ALOX5: variants seen among roughly 807,000 people sequenced by gnomAD.
ALOX5 encodes the protein arachidonate 5-lipoxygenase, also known as polyunsaturated fatty acid 5-lipoxygenase.
In ALOX5, 64 loss-of-function variants were observed where a neutral mutation model predicts 87.9. The ratio of observed to expected loss-of-function variants is 0.73; its 90% CI spans 0.60 to 0.90. ALOX5 has a LOEUF of 0.90. ALOX5 is among the 40% of genes least tolerant of loss of function. ALOX5 has a pLI of 0.00. For synonymous variants in ALOX5, 388 were observed against 355.1 expected (o/e 1.09, Z -1.04); for missense variants, 822 against 907.5 (o/e 0.91, Z 1.21).
At chr10:45,390,983 C>T (rs1588990879) in intron 2 of ALOX5, among the ~76,000 whole-genome samples, 1 of 42,038 alleles carries the variant, frequency 2.4e-5, no homozygotes, top group African/African-American at 1.6e-4. Flanking sequence ...ATCAGCTCTC[C>T]CTCTCCCCTC....
At chr10:45,411,405 G>C (rs1841059915) in intron 3 of ALOX5, among the ~76,000 whole-genome samples, 1 of 152,198 alleles carries the variant, frequency 6.6e-6, no homozygotes, top group South Asian at 2.1e-4. Flanking sequence ...AGATGGAGTT[G>C]CTGTGGTTCA....
chr10:45,413,622 G>T lies in ALOX5; in HGVS notation c.554+1309G>T, dbSNP rs967843588. Among the ~76,000 whole-genome samples, 4 of 152,144 alleles carry T rather than the reference G, an allele frequency of 2.6e-5. No homozygotes were observed. In the East Asian group the frequency reaches 7.7e-4, roughly 29 times the overall value. On this transcript the variant is annotated intron_variant, in intron 4 of 13. Transcript: ENST00000374391. ...ATCAGGCAGGAGAAGGAAATAAAGG[G>T]TATTCAATTAGGAAAAGAGGAAGTC...
At chr10:45,382,326 T>G (rs183309716) in intron 1 of ALOX5, among the ~76,000 whole-genome samples, 157 bp from the exon 2 acceptor site, 1 of 152,334 alleles carries the variant, frequency 6.6e-6, no homozygotes, top group East Asian at 1.9e-4. Flanking sequence ...ACAGCACGAA[T>G]GTCAGAGTAT....
chr10:45,416,295 C>T (rs1273429111), intron 4 of ALOX5, among the ~76,000 whole-genome samples: 1 of 152,092 alleles, frequency 6.6e-6, no homozygotes, highest in Non-Finnish European at 1.5e-5. Flanking sequence ...ATTGGCAAAA[C>T]CAGGATTTGA....
chr10:45,400,748 C>A (rs1840669754), intron 3 of ALOX5, among the ~76,000 whole-genome samples: 1 of 152,164 alleles, frequency 6.6e-6, no homozygotes, highest in Admixed American at 6.5e-5. Flanking sequence ...TAGGCAAACC[C>A]ACAGAGTCAG....
At chr10:45,374,728 G>C (rs1839529938) in intron 1 of ALOX5, among the ~76,000 whole-genome samples, 1 of 152,228 alleles carries the variant, frequency 6.6e-6, no homozygotes, top group Non-Finnish European at 1.5e-5. Context: ...GGAGGAGAAG[G>C]CCCAAGGTTT....
intron 1 of ALOX5, 70 bp downstream of exon 1, chr10:45,374,499 G>A (rs1839511531): frequency 7.3e-7 from 1 of 1,361,162 alleles, no homozygotes; most frequent in Non-Finnish European, 9.5e-7. Flanking sequence ...GACGGCAGAG[G>A]CCTGGGCGGG....
At position 45,445,816 on chromosome 10, in the gene ALOX5, T is replaced by G. The variant is rs1842425755; in HGVS notation, c.*129T>G. Reference sequence around the variant, plus strand: ...TCCTCCGAGGCCAGTACCTTTCCATTTATTCTTTGATCTTCAGGGAACTGC... The same window carrying G: ...TCCTCCGAGGCCAGTACCTTTCCATGTATTCTTTGATCTTCAGGGAACTGC... On this transcript the variant is annotated 3_prime_UTR_variant, in exon 14 of 14. Transcript: ENST00000374391. 1 of 1,027,144 alleles carries G rather than the reference T, an allele frequency of 9.7e-7. No individual in the cohort carries two copies. The highest frequency in any genetic ancestry group is 1.4e-6 in the Non-Finnish European group (1 of 702,816). The allele number at this position is 1,027,144 out of a possible 1,614,324, so 63.6% of individuals were successfully genotyped here.
intron 2 of ALOX5, among the ~76,000 whole-genome samples, chr10:45,383,147 A>C (rs1018531169): frequency 1.3e-5 from 2 of 152,202 alleles, no homozygotes; most frequent in Non-Finnish European, 2.9e-5. Flanking sequence ...GACAAGGAGC[A>C]CCCCAAGTGC....
chr10:45,414,840 A>G (rs2132769270), intron 4 of ALOX5, among the ~76,000 whole-genome samples: 1 of 152,378 alleles, frequency 6.6e-6, no homozygotes, highest in African/African-American at 2.4e-5. Context: ...AGAAATGCTC[A>G]TCATCACTGG....
At chr10:45,424,709 A>G (rs189663634) in intron 5 of ALOX5, among the ~76,000 whole-genome samples, 57 of 152,326 alleles carry the variant, frequency 3.7e-4, no homozygotes, top group African/African-American at 1.3e-3. Context: ...TGGACACTCC[A>G]TGCTGGGCTG....
rs1842319030 is a variant in ALOX5, at chr10:45,443,535, CAGGT to C, written c.1573+2_1573+5del. On this transcript the variant is annotated splice_donor_variant and coding_sequence_variant, in exon 11 of 14. Transcript: ENST00000374391. LOFTEE classifies it high-confidence loss of function. ...TACGGCATGCGGGGCCGCAAGTCCT[CAGGT>C]AGGGCCTCCGGGACGTCTCCGGACC... 1 of 1,610,876 alleles carries C rather than the reference CAGGT, an allele frequency of 6.2e-7. No individual in the cohort carries two copies. The highest frequency in any genetic ancestry group is 8.5e-7 in the Non-Finnish European group (1 of 1,178,232).
chr10:45,379,923 G>T (rs1839769315), intron 1 of ALOX5, among the ~76,000 whole-genome samples: 1 of 152,140 alleles, frequency 6.6e-6, no homozygotes. Context: ...CTCCTCGGTG[G>T]GATCAGGAAT....
At chr10:45,437,101 C>G (rs1842083632) in intron 7 of ALOX5, among the ~76,000 whole-genome samples, 3 of 152,170 alleles carry the variant, frequency 2.0e-5, no homozygotes, top group Admixed American at 2.0e-4. Flanking sequence ...GCCTGTAATC[C>G]CAGCACTTTG....
At chr10:45,374,581 C>T (rs986413693) in intron 1 of ALOX5, 152 bp downstream of exon 1, 1 of 752,392 alleles carries the variant, frequency 1.3e-6, no homozygotes, top group Non-Finnish European at 1.9e-6. Flanking sequence ...GAGGGCAGAA[C>T]TGCGGTGGGG....
chr10:45,440,712 G>A (rs377583757), intron 8 of ALOX5, 79 bp downstream of exon 8: 8 of 1,480,304 alleles, frequency 5.4e-6, no homozygotes, highest in African/African-American at 2.8e-5. Flanking sequence ...CATCCCACAG[G>A]GGGACCTGTG....
intron 1 of ALOX5, among the ~76,000 whole-genome samples, chr10:45,379,961 A>G (rs17157736): frequency 0.16 from 25,041 of 151,962 alleles, 2,133 homozygotes; most frequent in South Asian, 0.19. Context: ...ACCTGCAGCT[A>G]AGGCCTCTGT....
intron 2 of ALOX5, among the ~76,000 whole-genome samples, chr10:45,394,024 TA>T (rs1330716711): frequency 1.3e-5 from 2 of 152,162 alleles, no homozygotes; most frequent in Admixed American, 6.5e-5. Context: ...AAAATGGCCA[TA>T]CTCCCAAGGT....
At chr10:45,397,844 T>A (rs537970046) in intron 3 of ALOX5, among the ~76,000 whole-genome samples, 1 of 152,316 alleles carries the variant, frequency 6.6e-6, no homozygotes, top group Non-Finnish European at 1.5e-5. Context: ...TTAAAGAAGA[T>A]CTAAATAGGT....
Sources: allele counts gnomAD v4.1 joint callset (sites outside exome capture counted in the v4.1 genomes callset), GRCh38; gene constraint gnomAD v4.1.1; transcripts MANE v1.5; gene names NCBI Gene and HGNC (gene_info 2026-07-23, HGNC 2026-07-21).